The following CRAMP1 variants were observed in gnomAD, a reference collection of about 807,000 sequenced individuals.
CRAMP1 encodes cramped chromatin regulator 1.
A neutral mutation model predicts 115.4 loss-of-function variants in CRAMP1; 50 were observed. That is an observed-to-expected ratio of 0.43 (90% CI 0.35 to 0.55). The LOEUF (loss-of-function observed/expected upper bound fraction) is 0.55. Ranked by LOEUF, CRAMP1 falls within the 20% of genes least tolerant of loss-of-function variation. The pLI is 0.01. For synonymous variants in CRAMP1, 866 were observed against 745.4 expected (o/e 1.16, Z -2.64); for missense variants, 1,679 against 1,721.7 (o/e 0.98, Z 0.44).
At chr16:1,638,431 G>T (rs1012082088) in intron 5 of CRAMP1, among the ~76,000 whole-genome samples, 1 of 152,180 alleles carries the variant, frequency 6.6e-6, no homozygotes, top group East Asian at 1.9e-4. Context: ...TAGAGCGGCC[G>T]CACTGCCTGG....
At chr16:1,627,641 G>C (rs980444354) in intron 3 of CRAMP1, among the ~76,000 whole-genome samples, 1 of 152,236 alleles carries the variant, frequency 6.6e-6, no homozygotes. Flanking sequence ...AGGTGGACCG[G>C]ACTGCCGTGG....
intron 10 of CRAMP1, among the ~76,000 whole-genome samples, chr16:1,659,369 T>TATTG (rs776484859): frequency 1.9e-4 from 29 of 152,166 alleles, no homozygotes; most frequent in African/African-American, 5.5e-4. Flanking sequence ...CAGTGACTTT[T>TATTG]ATTGATTGAT....
chr16:1,629,686 C>T (rs2036533654), intron 3 of CRAMP1, among the ~76,000 whole-genome samples: 1 of 152,180 alleles, frequency 6.6e-6, no homozygotes, highest in African/African-American at 2.4e-5. Context: ...TGCCGAGGCC[C>T]AGGGAGCGTG....
intron 9 of CRAMP1, 75 bp from the exon 10 acceptor site, chr16:1,655,802 G>T: frequency 3.9e-6 from 6 of 1,523,224 alleles, no homozygotes; most frequent in Non-Finnish European, 5.4e-6. Flanking sequence ...CGTGGCTCGT[G>T]TCTGTACCCA....
At chr16:1,647,748 TAAAAAAAAAA>T (rs35279793) in intron 6 of CRAMP1, among the ~76,000 whole-genome samples, 2 of 87,724 alleles carry the variant, frequency 2.3e-5, no homozygotes, top group Admixed American at 1.3e-4. Flanking sequence ...GACTCTGCCT[TAAAAAAAAAA>T]AAAAAAAAAA....
In CRAMP1 at chr16:1,656,752, C is replaced by T. The variant is rs770829866; in HGVS notation, c.1995C>T (p.Pro665=). Residue 665 remains proline (P), a synonymous_variant, in exon 10 of 21, where the codon CCC becomes CCT. Coordinates refer to ENST00000397412, the MANE Select transcript of CRAMP1 (RefSeq NM_020825.4). This position sits in a 1 kb window ranked among gnomAD's most constrained non-coding sequence, Gnocchi z 5.6. ...QPAARPPKEV[P]ASRLAQQLRE... ...CCGCCAGGCCCCCGAAGGAGGTCCC[C>T]GCCAGCCGGCTGGCTCAGCAGCTCC... 105 of 1,548,558 alleles carry T rather than the reference C, an allele frequency of 6.8e-5. No homozygotes were observed. The Admixed American group carries it at 7.1e-4, about 10-fold the overall frequency.
At position 1,662,824 on chromosome 16, in the gene CRAMP1, C is replaced by G; in HGVS notation, c.2659C>G (p.Leu887Val). 6.2e-7 allele frequency: 1 copy of G among 1,613,764 alleles called. No homozygotes were observed. The highest frequency in any genetic ancestry group is 8.5e-7 in the Non-Finnish European group (1 of 1,179,834). Residue 887 changes from leucine (L) to valine (V), a missense_variant, in exon 13 of 21, where the codon CTG becomes GTG. This residue lies in a region of CRAMP1 where 709 missense variants were observed against 741.9 expected (regional missense o/e 0.96). Coordinates refer to ENST00000397412, the MANE Select transcript of CRAMP1 (RefSeq NM_020825.4). ...GCGGAACCGGCACCTGCGGAAGCCACTGGTGGTCCAGGTCAGGGTCTTCTC... is the reference window on the plus strand; with the variant it reads ...GCGGAACCGGCACCTGCGGAAGCCAGTGGTGGTCCAGGTCAGGGTCTTCTC... The part of the protein sequence containing the change: ...KLRNRHLRKP[L>V]VVQRTLLPRP...
At chr16:1,646,855 C>G (rs2036679505) in intron 6 of CRAMP1, among the ~76,000 whole-genome samples, 1 of 152,190 alleles carries the variant, frequency 6.6e-6, no homozygotes, top group Admixed American at 6.5e-5. Context: ...TTAGGAGGAG[C>G]TTTGCTTTTT....
chr16:1,664,269 A>G (rs902365438), intron 13 of CRAMP1, among the ~76,000 whole-genome samples: 8 of 152,212 alleles, frequency 5.3e-5, no homozygotes, highest in African/African-American at 1.9e-4. Context: ...GCCGTAGCAC[A>G]TTCAGCCTAA....
At position 1,653,175 on chromosome 16, in the gene CRAMP1, C is replaced by T. The variant is rs773618169; in HGVS notation, c.1037+19C>T. 3.7e-6 allele frequency: 6 copies of T among 1,601,994 alleles called. No homozygotes were observed. The highest frequency in any genetic ancestry group is 5.1e-6 in the Non-Finnish European group (6 of 1,174,594). ...GCCTCAGGTAACATGGCCCTTGGCA[C>T]GCAGAGGGGTCCCAACTGCTTGAGC... On this transcript the variant is annotated intron_variant, in intron 8 of 20. Transcript: ENST00000397412.
intron 14 of CRAMP1, chr16:1,665,859 G>T: frequency 1.8e-6 from 1 of 567,338 alleles, no homozygotes; most frequent in South Asian, 2.1e-5. Context: ...GCTCCTGGGA[G>T]GCACAGTGGT....
chr16:1,653,374 C>T (rs1004288537), intron 8 of CRAMP1, among the ~76,000 whole-genome samples: 8 of 152,132 alleles, frequency 5.3e-5, no homozygotes, highest in Admixed American at 3.9e-4. Context: ...GTGTTCAGGC[C>T]GTGGAGGGGA....
chr16:1,661,342 C>T (rs908066397), intron 11 of CRAMP1, among the ~76,000 whole-genome samples: 40 of 149,164 alleles, frequency 2.7e-4, no homozygotes, highest in African/African-American at 6.2e-4. Context: ...TCCTGGGTGA[C>T]GGAGGGGGCC....
At position 1,660,021 on chromosome 16, in the gene CRAMP1, A is replaced by G. The variant is rs202027042; in HGVS notation, c.2371A>G (p.Ser791Gly). The change falls in exon 11 of 21, where the codon AGC (serine) becomes GGC (glycine). Residue 791 changes from serine to glycine, a missense_variant. Transcript: ENST00000397412. ...CCCTCGGAACCAGGCCTCCCTCCGCAGCAGCAAGACCTTCCCGCCCAGCTC... is the reference window on the plus strand; with the variant it reads ...CCCTCGGAACCAGGCCTCCCTCCGCGGCAGCAAGACCTTCCCGCCCAGCTC... ...RCPRNQASLR[S>G]SKTFPPSSAP... 3.1e-6 allele frequency: 5 copies of G among 1,601,216 alleles called. No individual in the cohort carries two copies. In the African/African-American group the frequency reaches 5.3e-5, roughly 17 times the overall value.
chr16:1,651,503 TCACA>T (rs1408952426), intron 6 of CRAMP1, among the ~76,000 whole-genome samples: 1 of 145,006 alleles, frequency 6.9e-6, no homozygotes, highest in Non-Finnish European at 1.5e-5. Flanking sequence ...TGGATTGAGG[TCACA>T]CACAGGTCAT....
intron 10 of CRAMP1, among the ~76,000 whole-genome samples, chr16:1,659,580 C>T (rs1007136441): frequency 5.3e-5 from 8 of 151,948 alleles, no homozygotes; most frequent in Admixed American, 2.0e-4. Flanking sequence ...GTAGAGACAG[C>T]GTTTCACCGT....
In CRAMP1 at chr16:1,612,450, A is replaced by C. The variant is rs2036355963; in HGVS notation, c.-209A>C. The C allele has an allele frequency of 6.6e-6, 1 of 151,146 alleles. No homozygotes were observed. The highest frequency in any genetic ancestry group is 6.6e-5 in the Admixed American group (1 of 15,176). The allele number at this position is 151,146 out of a possible 1,614,324, so 9.4% of individuals were successfully genotyped here. ...GAGTGGCGGCAGTATCTGCGTCCGC[A>C]GCCCCCGCAGCCGCGCGCCGGCCCG... On this transcript the variant is annotated 5_prime_UTR_variant, in exon 1 of 21. Transcript: ENST00000397412.
At chr16:1,662,351 T>C in intron 11 of CRAMP1, 139 bp from the exon 12 acceptor site, 2 of 671,744 alleles carry the variant, frequency 3.0e-6, no homozygotes, top group Admixed American at 2.5e-5. Context: ...GGGACTGAGA[T>C]AGAGGTGTCT....
chr16:1,629,795 C>T (rs1227370967), intron 3 of CRAMP1, among the ~76,000 whole-genome samples: 3 of 152,186 alleles, frequency 2.0e-5, no homozygotes, highest in Non-Finnish European at 2.9e-5. Context: ...ACAATGAACA[C>T]GTTTTACTTT....
Sources: allele counts gnomAD v4.1 joint callset (sites outside exome capture counted in the v4.1 genomes callset), GRCh38; gene constraint gnomAD v4.1.1; regional missense constraint gnomAD v4.1.1; non-coding constraint Gnocchi (gnomAD v3.1); transcripts MANE v1.5; gene names NCBI Gene and HGNC (gene_info 2026-07-23, HGNC 2026-07-21).